Variants in ACYP2 observed in about 807,000 individuals in gnomAD.
ACYP2 encodes the protein acylphosphatase 2, also known as acylphosphatase-2.
Under a neutral mutation model 11.2 loss-of-function variants are expected in ACYP2, and 12 were observed. The observed-to-expected ratio is 1.08, with a 90% CI of 0.69 to 1.74. The LOEUF (loss-of-function observed/expected upper bound fraction) is 1.74, where lower values mean the gene tolerates loss of function less well. Among genes scored for constraint, ACYP2 ranks in the 40% most tolerant of loss-of-function variants. The pLI, the probability that ACYP2 is intolerant of heterozygous loss-of-function variation, is 0.00. For synonymous variants in ACYP2, 43 were observed against 32.2 expected (o/e 1.33, Z -1.13); for missense variants, 134 against 101.9 (o/e 1.31, Z -1.35).
chr2:54,048,927 G>A (rs1675674824), intron 2 of ACYP2, among the ~76,000 whole-genome samples: 1 of 152,160 alleles, frequency 6.6e-6, no homozygotes. Flanking sequence ...GACAAGGACA[G>A]AGATTCTCTG....
intron 6 of ACYP2, among the ~76,000 whole-genome samples, chr2:54,219,539 G>C (rs1685693651): frequency 6.6e-6 from 1 of 152,226 alleles, no homozygotes; most frequent in East Asian, 1.9e-4. Context: ...AAGTTTAAAA[G>C]AATCATTCAC....
intron 4 of ACYP2, among the ~76,000 whole-genome samples, chr2:54,090,813 G>T (rs751951318): frequency 3.9e-5 from 6 of 152,018 alleles, no homozygotes; most frequent in Non-Finnish European, 5.9e-5. Flanking sequence ...CATTGTCCTG[G>T]GCCACTCCAT....
At chr2:54,177,656 C>A (rs11903462) in intron 6 of ACYP2, among the ~76,000 whole-genome samples, 1 of 150,970 alleles carries the variant, frequency 6.6e-6, no homozygotes, top group Non-Finnish European at 1.5e-5. Flanking sequence ...CGGCTCACTG[C>A]AACCTGTGCC....
chr2:54,193,216 C>T (rs1015356320), intron 6 of ACYP2, among the ~76,000 whole-genome samples: 7 of 152,072 alleles, frequency 4.6e-5, no homozygotes, highest in Admixed American at 1.3e-4. Context: ...TGTCAAGTAC[C>T]GTACTTTTTA....
At chr2:54,291,606 G>C (rs1031380808) in intron 6 of ACYP2, among the ~76,000 whole-genome samples, 3 of 152,264 alleles carry the variant, frequency 2.0e-5, no homozygotes, top group African/African-American at 7.2e-5. Context: ...ATTAATCAGA[G>C]GTATTCCTGT....
intron 6 of ACYP2, among the ~76,000 whole-genome samples, chr2:54,196,512 A>AT (rs558152258): frequency 3.9e-5 from 6 of 152,050 alleles, no homozygotes; most frequent in Non-Finnish European, 5.9e-5. Flanking sequence ...GATTATTTCA[A>AT]TTTTTTTTAA....
chr2:54,004,328 T>C (rs975099946), intron 2 of ACYP2, among the ~76,000 whole-genome samples: 2 of 151,824 alleles, frequency 1.3e-5, no homozygotes, highest in Non-Finnish European at 2.9e-5. Flanking sequence ...TGACATATTC[T>C]GTTCAGCATC....
intron 6 of ACYP2, among the ~76,000 whole-genome samples, chr2:54,285,087 A>AT (rs1458043229): frequency 6.6e-6 from 1 of 152,132 alleles, no homozygotes; most frequent in Non-Finnish European, 1.5e-5. Context: ...TGCTTCAAAG[A>AT]TTTTGCCTTC....
intron 4 of ACYP2, among the ~76,000 whole-genome samples, chr2:54,089,943 C>T (rs756109985): frequency 1.3e-4 from 19 of 150,798 alleles, no homozygotes; most frequent in Admixed American, 6.6e-4. Context: ...GTCAGGAGTT[C>T]GAGGCCAGCC....
intron 2 of ACYP2, among the ~76,000 whole-genome samples, chr2:54,044,761 A>G (rs946856289): frequency 3.3e-5 from 5 of 152,120 alleles, no homozygotes; most frequent in African/African-American, 1.2e-4. Context: ...TTTTTCTGCA[A>G]TGACTTCCTG....
At chr2:54,215,343 C>A (rs1228109711) in intron 6 of ACYP2, among the ~76,000 whole-genome samples, 1 of 152,170 alleles carries the variant, frequency 6.6e-6, no homozygotes, top group African/African-American at 2.4e-5. Context: ...AAGGAGAATG[C>A]TTCCAGCTTT....
intron 6 of ACYP2, among the ~76,000 whole-genome samples, chr2:54,242,528 C>T (rs1460265678): frequency 6.6e-6 from 1 of 152,152 alleles, no homozygotes; most frequent in Non-Finnish European, 1.5e-5. Flanking sequence ...AAAATATATA[C>T]AGTCATATGC....
At chr2:53,987,573 A>G (rs1051227102) in intron 2 of ACYP2, among the ~76,000 whole-genome samples, 2 of 152,208 alleles carry the variant, frequency 1.3e-5, no homozygotes, top group Non-Finnish European at 2.9e-5. Context: ...ACAGTTTTCT[A>G]GAGTGGCTGT....
chr2:54,130,754 A>G (rs1279032608), intron 4 of ACYP2, among the ~76,000 whole-genome samples: 1 of 152,228 alleles, frequency 6.6e-6, no homozygotes, highest in Non-Finnish European at 1.5e-5. Flanking sequence ...CATGGGTTTG[A>G]ATATTTAACT....
intron 4 of ACYP2, chr2:54,115,669 C>A (rs758627268): frequency 1.2e-6 from 2 of 1,605,868 alleles, no homozygotes; most frequent in East Asian, 2.2e-5. Flanking sequence ...AGCCCCTCTC[C>A]GGCTCCTCAA....
At chr2:53,991,343 T>A (rs1465275602) in intron 2 of ACYP2, among the ~76,000 whole-genome samples, 1 of 152,188 alleles carries the variant, frequency 6.6e-6, no homozygotes, top group African/African-American at 2.4e-5. Flanking sequence ...TGTATGGACA[T>A]ATAACTACTT....
chr2:54,094,739 C>T (rs1678424822), intron 4 of ACYP2, among the ~76,000 whole-genome samples: 1 of 150,208 alleles, frequency 6.7e-6, no homozygotes. Context: ...TGTTTCACCA[C>T]GTTGGCCTGA....
At chr2:54,035,348 C>T (rs1674837687) in intron 2 of ACYP2, among the ~76,000 whole-genome samples, 1 of 149,750 alleles carries the variant, frequency 6.7e-6, no homozygotes, top group African/African-American at 2.5e-5. Context: ...GCACTGCAAG[C>T]TCCGCCTCCC....
intron 2 of ACYP2, among the ~76,000 whole-genome samples, chr2:53,976,246 C>A (rs971119149): frequency 1.3e-5 from 2 of 152,172 alleles, no homozygotes; most frequent in Non-Finnish European, 2.9e-5. Context: ...GTTTCACTCT[C>A]TTACAGGCTG....
Sources: gnomAD v4.1 joint callset for allele counts (sites outside exome capture counted in the v4.1 genomes callset) on GRCh38, gnomAD v4.1.1 for gene constraint, MANE v1.5 for transcripts, NCBI Gene and HGNC (gene_info 2026-07-23, HGNC 2026-07-21) for gene names.